The following CNTN5 variants were observed in gnomAD, a reference collection of about 807,000 sequenced individuals.
CNTN5 encodes the protein contactin-5.
In CNTN5, 77 loss-of-function variants were observed where a neutral mutation model predicts 129.1. The ratio of observed to expected loss-of-function variants is 0.60; its 90% CI spans 0.50 to 0.72. CNTN5 has a LOEUF of 0.72. CNTN5 is among the 30% of genes least tolerant of loss of function. The pLI is 0.00. For missense variants in CNTN5, 1,478 were observed against 1,328.8 expected, an observed-to-expected ratio of 1.11 and a Z score of -1.75; for synonymous variants, 509 against 465.6, an observed-to-expected ratio of 1.09 and a Z score of -1.20.
chr11:99,414,349 G>A (rs1054562425), intron 2 of CNTN5, among the ~76,000 whole-genome samples: 5 of 152,144 alleles, frequency 3.3e-5, no homozygotes, highest in African/African-American at 1.2e-4. Context: ...GGATGTATGT[G>A]TATAGTTGTG....
chr11:99,981,840 C>T (rs1389297307), intron 8 of CNTN5, among the ~76,000 whole-genome samples: 1 of 152,100 alleles, frequency 6.6e-6, no homozygotes, highest in Non-Finnish European at 1.5e-5. Flanking sequence ...TATCTATATG[C>T]AAATAACTTA....
At chr11:100,252,168 T>C (rs1298978639) in intron 16 of CNTN5, among the ~76,000 whole-genome samples, 1 of 152,198 alleles carries the variant, frequency 6.6e-6, no homozygotes, top group Non-Finnish European at 1.5e-5. Flanking sequence ...TGATTATCAG[T>C]GATGCTGACC....
chr11:99,783,709 C>T (rs550653908), intron 3 of CNTN5, among the ~76,000 whole-genome samples: 1 of 143,184 alleles, frequency 7.0e-6, no homozygotes, highest in East Asian at 2.1e-4. Flanking sequence ...TCTCAGTAAA[C>T]TACCGCAAGA....
In CNTN5 at chr11:99,745,278, C is replaced by T. The variant is rs547357521; in HGVS notation, c.56-74266C>T. On this transcript the variant is annotated intron_variant, in intron 3 of 24. Transcript: ENST00000524871. Reference sequence around the variant, plus strand: ...TAAATGCTGGAAGAAAAAAATAAAGCTTCACTAAGGTCAATGTAAACTGAC... The same window carrying T: ...TAAATGCTGGAAGAAAAAAATAAAGTTTCACTAAGGTCAATGTAAACTGAC... 5.3e-5 allele frequency among the ~76,000 whole-genome samples: 8 copies of T among 152,204 alleles called. No homozygotes were observed. The South Asian group carries it at 1.2e-3, about 24-fold the overall frequency.
At chr11:100,150,833 A>C (rs1439746016) in intron 13 of CNTN5, among the ~76,000 whole-genome samples, 11 of 152,132 alleles carry the variant, frequency 7.2e-5, no homozygotes. Context: ...CATATGTTGA[A>C]CACTTACCCC....
chr11:99,048,082 A>T (rs981641598), intron 1 of CNTN5, among the ~76,000 whole-genome samples: 5 of 150,982 alleles, frequency 3.3e-5, no homozygotes, highest in Admixed American at 6.6e-5. Context: ...TCTAAAGCTT[A>T]AAAAAAAATC....
intron 13 of CNTN5, among the ~76,000 whole-genome samples, chr11:100,141,532 C>T (rs1946697636): frequency 6.6e-6 from 1 of 152,156 alleles, no homozygotes; most frequent in Admixed American, 6.5e-5. Flanking sequence ...CAACTTACCT[C>T]TATTTAGTCC....
chr11:99,989,297 AG>A (rs1938895205), intron 8 of CNTN5, among the ~76,000 whole-genome samples: 1 of 152,142 alleles, frequency 6.6e-6, no homozygotes, highest in East Asian at 1.9e-4. Context: ...CTTTTTAGTC[AG>A]TAGAGCCATT....
intron 3 of CNTN5, among the ~76,000 whole-genome samples, chr11:99,739,243 G>A (rs1416082038): frequency 3.3e-5 from 5 of 152,042 alleles, no homozygotes; most frequent in Non-Finnish European, 5.9e-5. Flanking sequence ...ATAACCTAAA[G>A]CTCAAGTTGC....
chr11:99,471,949 T>G (rs1370113138), intron 2 of CNTN5, among the ~76,000 whole-genome samples: 1 of 152,120 alleles, frequency 6.6e-6, no homozygotes, highest in African/African-American at 2.4e-5. Flanking sequence ...TGAATTAAGT[T>G]TCTATATGTC....
intron 9 of CNTN5, among the ~76,000 whole-genome samples, chr11:100,011,741 A>G (rs940072602): frequency 6.6e-6 from 1 of 151,968 alleles, no homozygotes; most frequent in Non-Finnish European, 1.5e-5. Context: ...TTCTCTTTTT[A>G]TATGTTTACT....
At chr11:99,739,809 A>G (rs1690007446) in intron 3 of CNTN5, among the ~76,000 whole-genome samples, 2 of 152,182 alleles carry the variant, frequency 1.3e-5, no homozygotes, top group Admixed American at 6.5e-5. Context: ...GACATACAGT[A>G]TGCACTGAAA....
chr11:99,639,063 A>G (rs758429341), intron 3 of CNTN5, among the ~76,000 whole-genome samples: 1 of 152,136 alleles, frequency 6.6e-6, no homozygotes, highest in African/African-American at 2.4e-5. Context: ...GAGTTTCCAT[A>G]TATCTTCTGA....
chr11:100,119,323 C>T (rs1376574378), intron 13 of CNTN5, among the ~76,000 whole-genome samples: 1 of 151,746 alleles, frequency 6.6e-6, no homozygotes, highest in African/African-American at 2.4e-5. Context: ...CTTGGGGGTC[C>T]CTAAGAAGCA....
chr11:100,176,527 A>G (rs760658964), intron 13 of CNTN5, among the ~76,000 whole-genome samples: 44 of 152,074 alleles, frequency 2.9e-4, no homozygotes, highest in Non-Finnish European at 5.9e-4. Context: ...AACAAATGCT[A>G]TGATGAAGCC....
chr11:99,867,245 A>G (rs1948381018), intron 6 of CNTN5, among the ~76,000 whole-genome samples: 1 of 152,182 alleles, frequency 6.6e-6, no homozygotes, highest in Admixed American at 6.5e-5. Flanking sequence ...CTTTTCACAT[A>G]GGAAAGAAGC....
chr11:99,624,931 T>G (rs1228578590), intron 3 of CNTN5, among the ~76,000 whole-genome samples: 1 of 152,148 alleles, frequency 6.6e-6, no homozygotes, highest in African/African-American at 2.4e-5. Flanking sequence ...TGCCTGCTAG[T>G]GCTGACACCA....
intron 1 of CNTN5, among the ~76,000 whole-genome samples, chr11:99,158,259 T>A (rs1363697272): frequency 6.6e-6 from 1 of 152,112 alleles, no homozygotes; most frequent in East Asian, 1.9e-4. Flanking sequence ...TTCCTCTGAC[T>A]TCCAAAATGA....
chr11:99,736,569 T>C (rs972664548), intron 3 of CNTN5, among the ~76,000 whole-genome samples: 12 of 152,190 alleles, frequency 7.9e-5, no homozygotes, highest in African/African-American at 2.9e-4. Context: ...CTGTAACATA[T>C]AGTTTTCTTA....
Sources: allele counts gnomAD v4.1 joint callset (sites outside exome capture counted in the v4.1 genomes callset), GRCh38; gene constraint gnomAD v4.1.1; transcripts MANE v1.5; gene names NCBI Gene and HGNC (gene_info 2026-07-23, HGNC 2026-07-21).